The following MAP1LC3A variants were observed in gnomAD, a reference collection of about 807,000 sequenced individuals.
MAP1LC3A encodes microtubule associated protein 1 light chain 3 alpha, also known as microtubule-associated protein 1 light chain 3 alpha.
MAP1LC3A carries 10 observed loss-of-function variants against 15.2 expected under a neutral mutation model. That is an observed-to-expected ratio of 0.66 (90% CI 0.41 to 1.12). MAP1LC3A has a LOEUF of 1.12. Ranked by LOEUF, MAP1LC3A falls within the 50% of genes most tolerant of loss-of-function variation. The pLI is 0.00. For missense variants in MAP1LC3A, 138 were observed against 167.3 expected (o/e 0.82, Z 0.97); for synonymous variants, 63 against 64.3 (o/e 0.98, Z 0.10).
chr20:34,549,803 G>C (rs1981878429), intron 1 of MAP1LC3A: 3 of 597,968 alleles, frequency 5.0e-6, no homozygotes, highest in Admixed American at 5.5e-5. Flanking sequence ...CTTAGGGAGA[G>C]GTGATTTCAG....
At chr20:34,548,294 A>T (rs1981814756) in intron 1 of MAP1LC3A, among the ~76,000 whole-genome samples, 1 of 152,146 alleles carries the variant, frequency 6.6e-6, no homozygotes, top group South Asian at 2.1e-4. Context: ...CTCATAGTGG[A>T]GGCACTGGTG....
At chr20:34,556,898 G>A (rs535594470), upstream of MAP1LC3A, among the ~76,000 whole-genome samples, 2 of 152,174 alleles carry the variant, frequency 1.3e-5, no homozygotes, top group Non-Finnish European at 2.9e-5. Context: ...ACTGCGCCTG[G>A]CCTATTTTCA....
exon 1 of MAP1LC3A, chr20:34,546,857 C>A (rs1009769926): frequency 1.3e-5 from 2 of 152,250 alleles, no homozygotes; most frequent in Non-Finnish European, 2.9e-5. Flanking sequence ...TGAAGTTCAG[C>A]CACCTGCCAC....
chr20:34,559,122 G>T (rs879256030), intron 1 of MAP1LC3A, 86 bp from the exon 2 acceptor site: 37 of 1,389,618 alleles, frequency 2.7e-5, no homozygotes, highest in Non-Finnish European at 3.2e-5. Flanking sequence ...TGGAGCTGGG[G>T]CGTGGCCGGG....
chr20:34,557,650 G>C (rs757899765), upstream of MAP1LC3A, among the ~76,000 whole-genome samples: 1 of 152,206 alleles, frequency 6.6e-6, no homozygotes, highest in Non-Finnish European at 1.5e-5. Flanking sequence ...TCGGCGGCCA[G>C]GCGTGGTGGC....
chr20:34,558,267 G>A (rs1046227063), upstream of MAP1LC3A: 1 of 984,984 alleles, frequency 1.0e-6, no homozygotes, highest in Non-Finnish European at 1.2e-6. The surrounding 1 kb of genome is among the most constrained non-coding windows in gnomAD (Gnocchi z 4.3). Flanking sequence ...AAACCTGGGC[G>A]TTCATTTCTA....
upstream of MAP1LC3A, among the ~76,000 whole-genome samples, chr20:34,554,128 TGTCCTC>T (rs1180475765): frequency 1.3e-5 from 2 of 152,150 alleles, no homozygotes; most frequent in Non-Finnish European, 2.9e-5. Context: ...ACCTATCAGG[TGTCCTC>T]AGCCTTCAGT....
At chr20:34,558,392 A>G (rs966360140), upstream of MAP1LC3A, 1 of 989,266 alleles carries the variant, frequency 1.0e-6, no homozygotes, top group Admixed American at 6.1e-5. This position sits in a 1 kb window ranked among gnomAD's most constrained non-coding sequence, Gnocchi z 4.3. Context: ...CGGCGCCCAG[A>G]ACCGCGTCAG....
intron 1 of MAP1LC3A, among the ~76,000 whole-genome samples, chr20:34,548,207 G>A (rs1426827245): frequency 1.3e-5 from 2 of 152,202 alleles, no homozygotes; most frequent in African/African-American, 2.4e-5. Flanking sequence ...TGTTGAGTTC[G>A]GAGGCAGCCT....
intron 2 of MAP1LC3A, among the ~76,000 whole-genome samples, chr20:34,552,504 G>T (rs1253083407): frequency 6.6e-6 from 1 of 152,258 alleles, no homozygotes; most frequent in Non-Finnish European, 1.5e-5. Context: ...CCAGGCAAAG[G>T]CCCTGGGGCA....
rs935450076 is a variant in MAP1LC3A, at chr20:34,547,417, CTTTT to C, written c.-74+520_-74+523del. On this transcript the variant is annotated intron_variant, in intron 1 of 4. Transcript: ENST00000374837. ...TTTTTCTTCCCCAACCGCTCCCCACCTTTTTTTTTTTTTTTTTTTTTTAAATAGA... is the reference window on the plus strand; with the variant it reads ...TTTTTCTTCCCCAACCGCTCCCCACCTTTTTTTTTTTTTTTTTTAAATAGA... 5.8e-5 allele frequency among the ~76,000 whole-genome samples: 7 copies of C among 121,058 alleles called. No individual in the cohort carries two copies. The East Asian group carries it at 6.9e-4, about 12-fold the overall frequency. The allele number at this position is 121,058 out of a possible 152,430, so 79.4% of individuals were successfully genotyped here. A position where few individuals can be genotyped will look rare whatever the true frequency, so the allele number is the denominator to read the frequency against.
intron 1 of MAP1LC3A, among the ~76,000 whole-genome samples, chr20:34,548,889 A>G (rs1219763061): frequency 6.6e-6 from 1 of 151,960 alleles, no homozygotes; most frequent in Non-Finnish European, 1.5e-5. Context: ...TGTTTTTAGT[A>G]GATACAGGGT....
At chr20:34,558,536 GCGC>G, upstream of MAP1LC3A, 1 of 1,116,096 alleles carries the variant, frequency 9.0e-7, no homozygotes, top group Non-Finnish European at 1.1e-6. The surrounding 1 kb of genome is among the most constrained non-coding windows in gnomAD (Gnocchi z 4.3). Flanking sequence ...AGAAGCTCCC[GCGC>G]TGCCCATGAC....
At position 34,558,872 on chromosome 20, in the gene MAP1LC3A, C is replaced by A; in HGVS notation, c.4C>A (p.Pro2Thr). 1 of 1,431,986 alleles carries A rather than the reference C, an allele frequency of 7.0e-7. No homozygotes were observed. The allele number at this position is 1,431,986 out of a possible 1,614,324, so 88.7% of individuals were successfully genotyped here. The part of the protein sequence containing the change: M[P>T]SDRPFKQRRS... Reference sequence around the variant, plus strand: ...CGCGCCCAGCCGGGCCCGCGCGATGCCCTCAGACCGGCCTTTCAAGCAGCG... The same window carrying A: ...CGCGCCCAGCCGGGCCCGCGCGATGACCTCAGACCGGCCTTTCAAGCAGCG... The change falls in exon 1 of 4, where the codon CCC (proline) becomes ACC (threonine). Residue 2 changes from proline to threonine, a missense_variant. Pro to Thr is a conservative substitution (Grantham distance 38, BLOSUM62 -1). Transcript: ENST00000360668. This position sits in a 1 kb window ranked among gnomAD's most constrained non-coding sequence, Gnocchi z 4.3.
In MAP1LC3A at chr20:34,548,705, C is replaced by CTT. The variant is rs112988331; in HGVS notation, c.-73-1185_-73-1184dup. Among the ~76,000 whole-genome samples, 1,004 of 142,310 alleles carry CTT rather than the reference C, an allele frequency of 7.1e-3. 15 individuals carry two copies. Among genetic ancestry groups the CTT allele is most frequent in the African/African-American group, 0.024 (945 of 38,642 alleles). 93.4% of individuals were successfully genotyped at this position (142,310 alleles called of 152,430 possible). A position where few individuals can be genotyped will look rare whatever the true frequency, so the allele number is the denominator to read the frequency against. On this transcript the variant is annotated intron_variant, in intron 1 of 4. Coordinates refer to the MAP1LC3A transcript ENST00000374837. The stretch of plus-strand genomic sequence containing the variant: ...TCTTTGGAGTGTTCCCCTTCGCTGC[C>CTT]TTTTTTTTTTTTTTTTAAAGATGGA...
chr20:34,554,032 A>C (rs145579847), upstream of MAP1LC3A, among the ~76,000 whole-genome samples: 1 of 152,320 alleles, frequency 6.6e-6, no homozygotes, highest in African/African-American at 2.4e-5. Context: ...CAATTTTGCC[A>C]AATTGCTCTC....
Position 34,560,272 on chromosome 20 carries a change from T to G in MAP1LC3A, c.*374T>G. ...AGACTGGCCCCTGGCTCCCCGCCCC[T>G]CGGTCTCCACGTGGTGTATGGATCT... On this transcript the variant is annotated 3_prime_UTR_variant, in exon 4 of 4. Transcript: ENST00000360668. The G allele has an allele frequency of 4.6e-6, 1 of 218,638 alleles. No individual in the cohort carries two copies. Among genetic ancestry groups the G allele is most frequent in the Non-Finnish European group, 9.0e-6 (1 of 111,176 alleles). The allele number at this position is 218,638 out of a possible 1,614,324, so 13.5% of individuals were successfully genotyped here. A position where few individuals can be genotyped will look rare whatever the true frequency, so the allele number is the denominator to read the frequency against.
intron 2 of MAP1LC3A, among the ~76,000 whole-genome samples, chr20:34,550,263 C>A (rs543050624): frequency 5.5e-4 from 83 of 152,282 alleles, no homozygotes; most frequent in African/African-American, 2.0e-3. Flanking sequence ...GGCTGAGACC[C>A]CCTGAGCAGA....
upstream of MAP1LC3A, among the ~76,000 whole-genome samples, chr20:34,557,500 T>C (rs557183787): frequency 2.6e-5 from 4 of 152,364 alleles, no homozygotes; most frequent in Non-Finnish European, 5.9e-5. Flanking sequence ...GGCCCACAAA[T>C]TAATCATTAT....
Sources: gnomAD v4.1 joint callset for allele counts (sites outside exome capture counted in the v4.1 genomes callset) on GRCh38, gnomAD v4.1.1 for gene constraint, Gnocchi (gnomAD v3.1) non-coding constraint, MANE v1.5 for transcripts, NCBI Gene and HGNC (gene_info 2026-07-23, HGNC 2026-07-21) for gene names.